The following LRRC4C variants were observed in gnomAD, a reference collection of about 807,000 sequenced individuals.
The protein encoded by LRRC4C is leucine rich repeat containing 4C.
In LRRC4C, 5 loss-of-function variants were observed where a neutral mutation model predicts 33.6. The observed-to-expected ratio is 0.15, with a 90% CI of 0.08 to 0.31. The LOEUF (loss-of-function observed/expected upper bound fraction) is 0.31. Ranked by LOEUF, LRRC4C falls within the 10% of genes least tolerant of loss-of-function variation. The pLI, the probability that LRRC4C is intolerant of heterozygous loss-of-function variation, is 1.00. For synonymous variants in LRRC4C, 329 were observed against 302.0 expected, an observed-to-expected ratio of 1.09 and a Z score of -0.93; for missense variants, 560 against 796.7, an observed-to-expected ratio of 0.70 and a Z score of 3.58.
rs148193747 is a variant in LRRC4C at position 40,988,942 on chromosome 11, G to A, written c.-495-55219C>T. ...TCACCGTGTTAGCCAGGATGGTCGC[G>A]ATCTCCTGACCTGGTGATTCGTGTG... is the stretch of plus-strand genomic sequence containing the variant. On this transcript the variant is annotated intron_variant, in intron 1 of 6. Transcript: ENST00000528697. Among the ~76,000 whole-genome samples, 3 of 151,748 alleles carry A rather than the reference G, an allele frequency of 2.0e-5. No homozygotes were observed. In the East Asian group the frequency reaches 5.8e-4, roughly 30 times the overall value.
At chr11:40,362,554 T>C (rs561259275) in intron 3 of LRRC4C, among the ~76,000 whole-genome samples, 7 of 152,268 alleles carry the variant, frequency 4.6e-5, no homozygotes, top group Admixed American at 3.9e-4. Flanking sequence ...ACCCTGTCTC[T>C]ACTGAAAATA....
chr11:40,578,975 C>T (rs1379018036), intron 3 of LRRC4C, among the ~76,000 whole-genome samples: 1 of 152,138 alleles, frequency 6.6e-6, no homozygotes, highest in Non-Finnish European at 1.5e-5. Flanking sequence ...CCTTAGATAA[C>T]TCTTAAAAAT....
intron 6 of LRRC4C, among the ~76,000 whole-genome samples, chr11:40,121,368 C>T (rs1413114125): frequency 6.6e-6 from 1 of 152,178 alleles, no homozygotes; most frequent in East Asian, 1.9e-4. Flanking sequence ...TTATAACCTA[C>T]AGTGAATAAT....
Position 40,319,226 on chromosome 11 carries a change from T to G in LRRC4C, c.-176+402A>C, listed in dbSNP as rs574835867. ...TGGTCAGTAGAGTTGCTTATTTGAT[T>G]TGTGAACTTCAAAGCAAGATTTCGT... On this transcript the variant is annotated intron_variant, in intron 4 of 6. Coordinates refer to ENST00000528697, the MANE Select transcript of LRRC4C (RefSeq NM_001258419.2). 5.3e-5 allele frequency among the ~76,000 whole-genome samples: 8 copies of G among 152,278 alleles called. No individual in the cohort carries two copies. The South Asian group carries it at 1.7e-3, about 32-fold the overall frequency.
At chr11:40,364,155 T>C (rs1042615271) in intron 3 of LRRC4C, among the ~76,000 whole-genome samples, 3 of 151,990 alleles carry the variant, frequency 2.0e-5, no homozygotes, top group Non-Finnish European at 4.4e-5. Context: ...CCACCAGCAT[T>C]AAATTCATAA....
At chr11:40,615,238 T>TTTTATATATATATATATA (rs1408452073) in intron 3 of LRRC4C, among the ~76,000 whole-genome samples, 5 of 88,176 alleles carry the variant, frequency 5.7e-5, no homozygotes, top group African/African-American at 1.6e-4. Context: ...TTGATTTATT[T>TTTTATATATATATATATA]TATATATATA....
At chr11:40,138,294 T>C (rs541574328) in intron 6 of LRRC4C, among the ~76,000 whole-genome samples, 1 of 152,086 alleles carries the variant, frequency 6.6e-6, no homozygotes, top group Non-Finnish European at 1.5e-5. Context: ...CAGCCTCCCT[T>C]CAGAGTAGCT....
chr11:40,463,081 G>A (rs1740805275), intron 3 of LRRC4C, among the ~76,000 whole-genome samples: 1 of 152,044 alleles, frequency 6.6e-6, no homozygotes, highest in African/African-American at 2.4e-5. Context: ...AAGTAACTAT[G>A]GTCAAGGGGA....
intron 1 of LRRC4C, among the ~76,000 whole-genome samples, chr11:41,174,387 C>T (rs950251318): frequency 6.6e-6 from 1 of 151,982 alleles, no homozygotes; most frequent in African/African-American, 2.4e-5. Context: ...GGCCACAGAT[C>T]TTAAAAATAA....
At chr11:40,374,987 T>C (rs1259915376) in intron 3 of LRRC4C, among the ~76,000 whole-genome samples, 1 of 152,224 alleles carries the variant, frequency 6.6e-6, no homozygotes, top group Admixed American at 6.5e-5. Context: ...ACATTTATTT[T>C]ATGTTAATTT....
At chr11:41,099,205 C>T (rs752343984) in intron 1 of LRRC4C, among the ~76,000 whole-genome samples, 12 of 151,902 alleles carry the variant, frequency 7.9e-5, no homozygotes, top group East Asian at 1.9e-4. Flanking sequence ...AGCCTACCAT[C>T]CAAAAAAAGC....
chr11:41,331,160 A>AG (rs1158494583), intron 1 of LRRC4C, among the ~76,000 whole-genome samples: 1 of 152,186 alleles, frequency 6.6e-6, no homozygotes, highest in East Asian at 1.9e-4. Context: ...CAAATCCAAA[A>AG]ATAATTACAG....
At chr11:40,730,175 C>T (rs61886859) in intron 2 of LRRC4C, among the ~76,000 whole-genome samples, 4,727 of 152,064 alleles carry the variant, frequency 0.031, 98 homozygotes, top group Middle Eastern at 0.045. Context: ...GTGGGTGCAG[C>T]GCACCAGCAT....
chr11:41,163,786 A>G (rs1260166775), intron 1 of LRRC4C, among the ~76,000 whole-genome samples: 2 of 151,346 alleles, frequency 1.3e-5, no homozygotes, highest in Non-Finnish European at 2.9e-5. Context: ...AAATTTTTAT[A>G]TTTTTAGTAG....
At chr11:40,394,336 A>T (rs1444849179) in intron 3 of LRRC4C, among the ~76,000 whole-genome samples, 1 of 152,160 alleles carries the variant, frequency 6.6e-6, no homozygotes, top group East Asian at 1.9e-4. Flanking sequence ...TAAAAATAAC[A>T]GTGCAGGCCA....
intron 2 of LRRC4C, among the ~76,000 whole-genome samples, chr11:40,862,668 T>C (rs544715070): frequency 6.6e-6 from 1 of 152,178 alleles, no homozygotes; most frequent in Non-Finnish European, 1.5e-5. Context: ...TATTACAAAT[T>C]GGTTGGGAAT....
At chr11:41,141,703 T>C (rs1322303149) in intron 1 of LRRC4C, among the ~76,000 whole-genome samples, 1 of 152,108 alleles carries the variant, frequency 6.6e-6, no homozygotes, top group Non-Finnish European at 1.5e-5. Context: ...TGCCACCCTG[T>C]GAAGAGGTGC....
chr11:40,281,945 C>T (rs1326480153), intron 4 of LRRC4C, among the ~76,000 whole-genome samples: 6 of 152,174 alleles, frequency 3.9e-5, no homozygotes, highest in Non-Finnish European at 8.8e-5. Flanking sequence ...CTCCTACATT[C>T]CCAATGTGAC....
chr11:40,402,062 T>G (rs1949780579), intron 3 of LRRC4C, among the ~76,000 whole-genome samples: 1 of 152,066 alleles, frequency 6.6e-6, no homozygotes, highest in African/African-American at 2.4e-5. Flanking sequence ...AGAGTTTCAA[T>G]GTTGACAGGA....
Sources: gnomAD v4.1 joint callset for allele counts (sites outside exome capture counted in the v4.1 genomes callset) on GRCh38, gnomAD v4.1.1 for gene constraint, MANE v1.5 for transcripts, NCBI Gene and HGNC (gene_info 2026-07-23, HGNC 2026-07-21) for gene names.